The following TTC39B variants were observed in gnomAD, a reference collection of about 807,000 sequenced individuals.
TTC39B encodes the protein tetratricopeptide repeat protein 39B.
TTC39B carries 92 observed loss-of-function variants against 96.6 expected under a neutral mutation model. That is an observed-to-expected ratio of 0.95 (90% CI 0.80 to 1.13). The LOEUF (loss-of-function observed/expected upper bound fraction) is 1.13. Among genes scored for constraint, TTC39B ranks in the 50% most tolerant of loss-of-function variants. The pLI is 0.00. For synonymous variants in TTC39B, 367 were observed against 299.4 expected, an observed-to-expected ratio of 1.23 and a Z score of -2.33; for missense variants, 955 against 809.3, an observed-to-expected ratio of 1.18 and a Z score of -2.18.
At chr9:15,171,951 A>C (rs1447226135) in exon 20 of TTC39B, 2 of 1,206,682 alleles carry the variant, frequency 1.7e-6, no homozygotes, top group African/African-American at 1.5e-5. Context: ...TTTCCACTTT[A>C]ATATAAGGTT....
At chr9:15,176,271 C>T (rs115516346) in intron 18 of TTC39B, among the ~76,000 whole-genome samples, 2,447 of 152,244 alleles carry the variant, frequency 0.016, 64 homozygotes, top group African/African-American at 0.056. Flanking sequence ...AAACAATTCA[C>T]TATGAGATTC....
chr9:15,166,079 C>G (rs1348827894), exon 20 of TTC39B: 1 of 152,162 alleles, frequency 6.6e-6, no homozygotes, highest in Non-Finnish European at 1.5e-5. Flanking sequence ...GAAGGTGTCA[C>G]TGGGATATGC....
At chr9:15,215,766 A>G (rs1329775250) in intron 3 of TTC39B, among the ~76,000 whole-genome samples, 1 of 152,024 alleles carries the variant, frequency 6.6e-6, no homozygotes, top group African/African-American at 2.4e-5. Context: ...CAGGAGGCTG[A>G]GGCAGGAGAA....
intron 1 of TTC39B, among the ~76,000 whole-genome samples, chr9:15,305,120 A>G (rs1403499500): frequency 6.6e-6 from 1 of 152,198 alleles, no homozygotes; most frequent in Admixed American, 6.5e-5. Context: ...TATGAACTCG[A>G]GGTTAGAGTT....
chr9:15,169,485 CA>C (rs1226044923), exon 20 of TTC39B: 9 of 152,058 alleles, frequency 5.9e-5, no homozygotes, highest in African/African-American at 2.2e-4. Context: ...ACATGAATTG[CA>C]CTGTCAGACA....
chr9:15,172,253 T>C, intron 19 of TTC39B, 144 bp from the exon 20 acceptor site: 2 of 479,590 alleles, frequency 4.2e-6, no homozygotes, highest in South Asian at 4.2e-5. Context: ...ATGCAGATTC[T>C]GGTTCTGTTG....
chr9:15,263,679 G>C, intron 2 of TTC39B, among the ~76,000 whole-genome samples: 1 of 152,158 alleles, frequency 6.6e-6, no homozygotes. Context: ...ATTAAAATCA[G>C]ATCAAAATCA....
rs1564323178 is a variant in TTC39B at position 15,187,953 on chromosome 9, G to A, written c.1395+18C>T. The A allele has an allele frequency of 6.5e-7, 1 of 1,544,314 alleles. No individual in the cohort carries two copies. On this transcript the variant is annotated intron_variant, in intron 14 of 19. Transcript: ENST00000512701. ...GTATTAGCAAACAGATGACATTAAT[G>A]AAAGTATTGCACTTTACCTTGGACC...
intron 2 of TTC39B, among the ~76,000 whole-genome samples, chr9:15,227,578 T>C (rs1055286341): frequency 5.3e-5 from 8 of 152,200 alleles, no homozygotes; most frequent in Non-Finnish European, 8.8e-5. Context: ...GTTATTTCCA[T>C]CACAAAAACT....
intron 8 of TTC39B, among the ~76,000 whole-genome samples, chr9:15,198,228 A>G (rs148647164): frequency 0.03 from 4,610 of 152,024 alleles, 250 homozygotes; most frequent in African/African-American, 0.1. Context: ...GGAGGCCAAG[A>G]CGGGTGGATC....
chr9:15,185,206 A>C, intron 16 of TTC39B, 74 bp downstream of exon 16: 1 of 1,504,650 alleles, frequency 6.6e-7, no homozygotes, highest in Non-Finnish European at 8.9e-7. Context: ...TCATAACCAA[A>C]TTTAGATATG....
At chr9:15,304,660 G>A (rs1192672040) in intron 1 of TTC39B, among the ~76,000 whole-genome samples, 4 of 65,892 alleles carry the variant, frequency 6.1e-5, no homozygotes, top group African/African-American at 1.1e-4. Context: ...CCTCCCCCCC[G>A]ACCCCTCTCC....
At chr9:15,217,593 C>T (rs1470079564) in intron 3 of TTC39B, among the ~76,000 whole-genome samples, 2 of 152,200 alleles carry the variant, frequency 1.3e-5, no homozygotes, top group African/African-American at 4.8e-5. Context: ...TGTCAAGTAT[C>T]TCTCGGACAC....
At chr9:15,192,446 A>G (rs1379982452) in intron 9 of TTC39B, 144 bp downstream of exon 9, 3 of 616,760 alleles carry the variant, frequency 4.9e-6, no homozygotes, top group Middle Eastern at 2.9e-4. Context: ...CTGGGTCACA[A>G]TGCCAGAAAA....
At chr9:15,175,215 C>A in intron 18 of TTC39B, 80 bp from the exon 19 acceptor site, 2 of 999,694 alleles carry the variant, frequency 2.0e-6, no homozygotes, top group Non-Finnish European at 3.0e-6. Context: ...TATTCCCATT[C>A]TTCAGAAAAC....
chr9:15,262,887 G>A (rs1822993611), intron 2 of TTC39B, among the ~76,000 whole-genome samples: 1 of 152,154 alleles, frequency 6.6e-6, no homozygotes, highest in South Asian at 2.1e-4. Context: ...TTCAGTAAGT[G>A]TAAGGAAAAA....
chr9:15,241,292 G>T (rs1320325838), intron 2 of TTC39B, among the ~76,000 whole-genome samples: 5 of 148,766 alleles, frequency 3.4e-5, no homozygotes, highest in Admixed American at 1.3e-4. Flanking sequence ...AGAATGCAAG[G>T]TTAAAAAAAA....
At chr9:15,261,381 G>T (rs1417407219) in intron 2 of TTC39B, among the ~76,000 whole-genome samples, 3 of 152,046 alleles carry the variant, frequency 2.0e-5, no homozygotes, top group African/African-American at 7.2e-5. Context: ...GAGGCTAGGT[G>T]GGAGGAGCAC....
At chr9:15,241,788 G>A (rs1822053232) in intron 2 of TTC39B, among the ~76,000 whole-genome samples, 1 of 148,726 alleles carries the variant, frequency 6.7e-6, no homozygotes, top group South Asian at 2.1e-4. Flanking sequence ...TGTCACCCAG[G>A]CTGGAGTGCA....
Sources: gnomAD v4.1 joint callset for allele counts (sites outside exome capture counted in the v4.1 genomes callset) on GRCh38, gnomAD v4.1.1 for gene constraint, MANE v1.5 for transcripts, NCBI Gene and HGNC (gene_info 2026-07-23, HGNC 2026-07-21) for gene names.